The following CNTLN variants were observed in gnomAD, a reference collection of about 807,000 sequenced individuals.
The protein encoded by CNTLN is centlein.
A neutral mutation model predicts 180.0 loss-of-function variants in CNTLN; 212 were observed. The observed-to-expected ratio is 1.18, with a 90% CI of 1.05 to 1.32. CNTLN has a LOEUF of 1.32. CNTLN is among the 40% of genes most tolerant of loss of function. CNTLN has a pLI of 0.00. For missense variants in CNTLN, 2,095 were observed against 1,610.9 expected (o/e 1.30, Z -5.14); for synonymous variants, 722 against 563.1 (o/e 1.28, Z -3.99).
chr9:17,142,831 G>A (rs774182244), intron 1 of CNTLN, among the ~76,000 whole-genome samples: 1 of 152,160 alleles, frequency 6.6e-6, no homozygotes, highest in Non-Finnish European at 1.5e-5. Flanking sequence ...ACTACCCATT[G>A]TCCTTTGGAT....
chr9:17,336,433 A>G (rs1313229365), intron 10 of CNTLN, among the ~76,000 whole-genome samples: 2 of 152,192 alleles, frequency 1.3e-5, no homozygotes, highest in East Asian at 1.9e-4. Flanking sequence ...TGCTGAAGTA[A>G]GATAAAGGAA....
At chr9:17,430,497 T>C (rs1829353585) in intron 18 of CNTLN, among the ~76,000 whole-genome samples, 1 of 152,026 alleles carries the variant, frequency 6.6e-6, no homozygotes. Context: ...ATTGTATGCA[T>C]TGTGTGGGTA....
intron 8 of CNTLN, among the ~76,000 whole-genome samples, chr9:17,311,046 C>T (rs927663755): frequency 1.3e-5 from 2 of 151,088 alleles, no homozygotes; most frequent in Non-Finnish European, 2.9e-5. Context: ...TTTTTTGAGA[C>T]AGAGTTTTGC....
At chr9:17,144,424 T>C (rs1363840634) in intron 2 of CNTLN, among the ~76,000 whole-genome samples, 1 of 152,208 alleles carries the variant, frequency 6.6e-6, no homozygotes, top group African/African-American at 2.4e-5. Context: ...TCTGTTTTTT[T>C]AGTAGAATAA....
intron 8 of CNTLN, among the ~76,000 whole-genome samples, chr9:17,324,385 T>G (rs1820122075): frequency 1.3e-5 from 2 of 152,216 alleles, no homozygotes; most frequent in Non-Finnish European, 2.9e-5. Flanking sequence ...TTTTGCTATT[T>G]AAGATAAAAA....
chr9:17,294,105 G>A (rs139063201), intron 6 of CNTLN, among the ~76,000 whole-genome samples: 1,829 of 152,174 alleles, frequency 0.012, 41 homozygotes, highest in African/African-American at 0.042. Context: ...TCGTGGTCTC[G>A]CTGGCTTCAG....
the CNTLN span, among the ~76,000 whole-genome samples, chr9:17,521,025 G>A: frequency 1.3e-5 from 2 of 152,110 alleles, no homozygotes. Context: ...AAACTGGCTT[G>A]TAATAGGAGT....
intron 5 of CNTLN, among the ~76,000 whole-genome samples, chr9:17,251,329 C>G (rs938042026): frequency 3.3e-5 from 5 of 151,882 alleles, no homozygotes; most frequent in African/African-American, 1.2e-4. Flanking sequence ...ATCATTTATT[C>G]AAATAGTATT....
intron 2 of CNTLN, among the ~76,000 whole-genome samples, chr9:17,205,753 A>G (rs891000201): frequency 1.3e-5 from 2 of 152,216 alleles, no homozygotes; most frequent in African/African-American, 4.8e-5. Context: ...TTTGGGGAAA[A>G]CAATACTGGG....
In CNTLN at chr9:17,260,781, A is replaced by G. The variant is rs1033860245; in HGVS notation, c.850-12952A>G. On this transcript the variant is annotated intron_variant, in intron 5 of 25. Transcript: ENST00000380647. ...TGCCAGTTCCTGTGTCCAGAATGGTATTGCCTAGGTGGTCTTCAAAGGTTT... is the reference window on the plus strand; with the variant it reads ...TGCCAGTTCCTGTGTCCAGAATGGTGTTGCCTAGGTGGTCTTCAAAGGTTT... Among the ~76,000 whole-genome samples the G allele has an allele frequency of 5.9e-5, 9 of 151,266 alleles. 1 individual carries two copies. The highest frequency in any genetic ancestry group is 1.7e-4 in the African/African-American group (7 of 40,750).
intron 6 of CNTLN, among the ~76,000 whole-genome samples, chr9:17,294,527 A>C (rs1222881222): frequency 6.6e-6 from 1 of 151,024 alleles, no homozygotes; most frequent in African/African-American, 2.4e-5. Context: ...CTTGAGCTAG[A>C]TACAGAGTGC....
Position 17,340,887 on chromosome 9 carries a change from T to A in CNTLN, c.1705T>A (p.Leu569Ile). 6.2e-7 allele frequency: 1 copy of A among 1,612,500 alleles called. No homozygotes were observed. The highest frequency in any genetic ancestry group is 8.5e-7 in the Non-Finnish European group (1 of 1,179,108). ...AAAACGCAAGGAACGGCTACAGATG[T>A]TACAGACCAACTACAGAGCAGTAAA... Reference protein sequence around the residue: ...HEKRKERLQMLQTNYRAVKEQ... With the variant: ...HEKRKERLQMIQTNYRAVKEQ... Residue 569 changes from leucine (L) to isoleucine (I), a missense_variant, in exon 11 of 26, where the codon TTA becomes ATA. Coordinates refer to ENST00000380647, the MANE Select transcript of CNTLN (RefSeq NM_017738.4).
At chr9:17,260,272 G>T (rs62558307) in intron 5 of CNTLN, among the ~76,000 whole-genome samples, 80 of 150,398 alleles carry the variant, frequency 5.3e-4, no homozygotes, top group Non-Finnish European at 9.3e-4. Context: ...CAGTTTCCAT[G>T]TAGTTGAGCG....
At chr9:17,500,735 C>T (rs2145664) in intron 25 of CNTLN, among the ~76,000 whole-genome samples, 109,979 of 152,032 alleles carry the variant, frequency 0.72, 40,426 homozygotes, top group East Asian at 0.97. Flanking sequence ...CAGTAAGGGA[C>T]GGGAAATTAC....
At chr9:17,494,349 A>T (rs1230472100) in intron 25 of CNTLN, among the ~76,000 whole-genome samples, 1 of 152,150 alleles carries the variant, frequency 6.6e-6, no homozygotes. Flanking sequence ...TAAGATGATA[A>T]TGAAGCTGAA....
At chr9:17,424,497 C>CA (rs1239043332) in intron 18 of CNTLN, among the ~76,000 whole-genome samples, 1 of 152,068 alleles carries the variant, frequency 6.6e-6, no homozygotes, top group Non-Finnish European at 1.5e-5. Context: ...CTCACAGAGA[C>CA]AAACTACCAG....
At chr9:17,453,500 T>A (rs1318668509) in intron 18 of CNTLN, among the ~76,000 whole-genome samples, 2 of 152,068 alleles carry the variant, frequency 1.3e-5, no homozygotes, top group Non-Finnish European at 2.9e-5. Flanking sequence ...TAGAAAGGTG[T>A]TGATTAAAAA....
intron 2 of CNTLN, among the ~76,000 whole-genome samples, chr9:17,223,139 T>C (rs73416383): frequency 0.011 from 1,709 of 152,154 alleles, 35 homozygotes; most frequent in African/African-American, 0.039. Context: ...ATTCATGTCC[T>C]ACGTGAGTTG....
intron 6 of CNTLN, among the ~76,000 whole-genome samples, chr9:17,297,867 TA>T (rs1818058984): frequency 6.6e-6 from 1 of 152,224 alleles, no homozygotes. Context: ...TAGCTGATCT[TA>T]CCACTTGTTA....
Sources: allele counts gnomAD v4.1 joint callset (sites outside exome capture counted in the v4.1 genomes callset), GRCh38; gene constraint gnomAD v4.1.1; transcripts MANE v1.5; gene names NCBI Gene and HGNC (gene_info 2026-07-23, HGNC 2026-07-21).